Variants in TENM2 observed in about 807,000 individuals in gnomAD.
TENM2 encodes the protein teneurin transmembrane protein 2.
TENM2 carries 52 observed loss-of-function variants against 245.2 expected under a neutral mutation model. The observed-to-expected ratio is 0.21, with a 90% CI of 0.17 to 0.27. TENM2 has a LOEUF of 0.27. Among genes scored for constraint, TENM2 ranks in the 10% least tolerant of loss-of-function variants. TENM2 has a pLI of 1.00. For synonymous variants in TENM2, 1,363 were observed against 1,438.9 expected (o/e 0.95, Z 1.19); for missense variants, 3,046 against 3,666.8 (o/e 0.83, Z 4.37).
At chr5:167,695,644 A>T (rs1757708880) in intron 2 of TENM2, among the ~76,000 whole-genome samples, 1 of 152,054 alleles carries the variant, frequency 6.6e-6, no homozygotes. Flanking sequence ...TATTGTGTTG[A>T]ACTTTTTACA....
rs181843455 is a variant in TENM2 at position 168,222,532 on chromosome 5, T to C, written c.5108+3533T>C. ...GCCATGCAATTCATGAAGGCTGGAATGGGCCCCTTTAAAAGTTGCCTCTCT... is the reference window on the plus strand; with the variant it reads ...GCCATGCAATTCATGAAGGCTGGAACGGGCCCCTTTAAAAGTTGCCTCTCT... On this transcript the variant is annotated intron_variant, in intron 23 of 28. Coordinates refer to ENST00000518659, the Ensembl canonical transcript of TENM2. Among the ~76,000 whole-genome samples the C allele has an allele frequency of 2.1e-3, 324 of 152,350 alleles. 1 individual carries two copies. Among genetic ancestry groups the C allele is most frequent in the African/African-American group, 7.5e-3 (312 of 41,582 alleles).
In TENM2 at chr5:168,131,731, AC is replaced by A. The variant is rs1301806749; in HGVS notation, c.2422+4766del. Among the ~76,000 whole-genome samples, 8 of 152,060 alleles carry A rather than the reference AC, an allele frequency of 5.3e-5. No individual in the cohort carries two copies. In the South Asian group the frequency reaches 8.3e-4, roughly 16 times the overall value. On this transcript the variant is annotated intron_variant, in intron 12 of 28. Coordinates refer to ENST00000518659, the Ensembl canonical transcript of TENM2. The stretch of plus-strand genomic sequence containing the variant: ...TCCAGTCTCATTCTAAGTTATGAAA[AC>A]TTTTTTTTTCTTGTGGCTATTGTCC...
At chr5:167,791,461 T>C (rs1764961160) in intron 2 of TENM2, among the ~76,000 whole-genome samples, 3 of 137,638 alleles carry the variant, frequency 2.2e-5, no homozygotes, top group African/African-American at 7.9e-5. Flanking sequence ...TTATATAGAT[T>C]ATATATTTAT....
At chr5:167,444,378 A>C (rs1765046726) in intron 2 of TENM2, among the ~76,000 whole-genome samples, 1 of 152,134 alleles carries the variant, frequency 6.6e-6, no homozygotes, top group South Asian at 2.1e-4. Flanking sequence ...GTAACAAATG[A>C]ACAAGCTGTT....
At chr5:167,670,070 A>G (rs959680950) in intron 2 of TENM2, among the ~76,000 whole-genome samples, 2 of 152,156 alleles carry the variant, frequency 1.3e-5, no homozygotes, top group African/African-American at 2.4e-5. Flanking sequence ...TTTTTTAAGT[A>G]TCTCTTTCTA....
intron 1 of TENM2, among the ~76,000 whole-genome samples, chr5:167,359,799 C>T (rs904773105): frequency 1.4e-4 from 22 of 152,080 alleles, no homozygotes; most frequent in Non-Finnish European, 2.9e-4. Context: ...AGCCAGTTAT[C>T]CCAGCACCAT....
the TENM2 span, among the ~76,000 whole-genome samples, chr5:167,133,526 A>T: frequency 6.6e-6 from 1 of 150,866 alleles, no homozygotes; most frequent in Admixed American, 6.6e-5. Flanking sequence ...CAGATAGAAA[A>T]GGTGTGTTGC....
chr5:168,206,230 C>T (rs1762335831), intron 19 of TENM2, among the ~76,000 whole-genome samples: 1 of 152,224 alleles, frequency 6.6e-6, no homozygotes, highest in South Asian at 2.1e-4. Context: ...GGCCTGCCCC[C>T]AGCAACTGCT....
At chr5:167,966,478 T>A (rs1781395184) in intron 4 of TENM2, among the ~76,000 whole-genome samples, 1 of 152,208 alleles carries the variant, frequency 6.6e-6, no homozygotes, top group Admixed American at 6.5e-5. Flanking sequence ...CTAAGGAATC[T>A]AATTTTGGTG....
intron 13 of TENM2, among the ~76,000 whole-genome samples, chr5:168,183,538 G>C (rs1483545635): frequency 1.3e-5 from 2 of 152,174 alleles, no homozygotes; most frequent in Non-Finnish European, 2.9e-5. Context: ...AAATTCAGCA[G>C]GAGCCTTTGG....
chr5:167,765,416 G>T (rs553067823), intron 2 of TENM2, among the ~76,000 whole-genome samples: 12 of 152,128 alleles, frequency 7.9e-5, no homozygotes, highest in Non-Finnish European at 1.5e-4. Flanking sequence ...GTCAAAAAAG[G>T]CATCATGGGC....
Position 168,002,103 on chromosome 5 carries a change from T to G in TENM2, c.1186+8921T>G, listed in dbSNP as rs1033678760. On this transcript the variant is annotated intron_variant, in intron 5 of 28. Coordinates refer to ENST00000518659, the Ensembl canonical transcript of TENM2. The stretch of plus-strand genomic sequence containing the variant: ...ATATGTGTCATCTTTCAAAGGCTTT[T>G]TTTGTTTGTTTGTTTCTAAAAACCA... Among the ~76,000 whole-genome samples, 9 of 152,314 alleles carry G rather than the reference T, an allele frequency of 5.9e-5. No individual in the cohort carries two copies. The South Asian group carries it at 8.3e-4, about 14-fold the overall frequency.
At chr5:167,424,865 C>T (rs974072994) in intron 2 of TENM2, among the ~76,000 whole-genome samples, 1 of 152,128 alleles carries the variant, frequency 6.6e-6, no homozygotes. Flanking sequence ...ACCTCATTCG[C>T]TCAGCTCTGG....
chr5:167,705,335 A>G (rs10065273), intron 2 of TENM2, among the ~76,000 whole-genome samples: 21,925 of 152,194 alleles, frequency 0.14, 2,898 homozygotes, highest in African/African-American at 0.36. Flanking sequence ...AATAATTATC[A>G]AGATCTTGAC....
chr5:167,106,160 G>A, the TENM2 span, among the ~76,000 whole-genome samples: 1 of 152,008 alleles, frequency 6.6e-6, no homozygotes, highest in Non-Finnish European at 1.5e-5. Context: ...TCCTGTATTG[G>A]TTTATAGTTT....
chr5:167,457,661 A>G (rs957604650), intron 2 of TENM2, among the ~76,000 whole-genome samples: 14 of 152,028 alleles, frequency 9.2e-5, no homozygotes, highest in African/African-American at 3.4e-4. Flanking sequence ...TCTGCTTTTA[A>G]AGTCTCTTCT....
At chr5:167,674,387 G>A (rs1482213085) in intron 2 of TENM2, among the ~76,000 whole-genome samples, 1 of 152,046 alleles carries the variant, frequency 6.6e-6, no homozygotes, top group African/African-American at 2.4e-5. Context: ...CCCCCAAAAT[G>A]TTTATTCCTG....
intron 2 of TENM2, among the ~76,000 whole-genome samples, chr5:167,773,086 G>A (rs1231347162): frequency 1.3e-5 from 2 of 152,160 alleles, no homozygotes; most frequent in African/African-American, 4.8e-5. Flanking sequence ...GGAATATATT[G>A]AAATGATAGA....
In TENM2 at chr5:168,113,629, C is replaced by T. The variant is rs145878372; in HGVS notation, c.1814-4663C>T. 9.2e-3 allele frequency among the ~76,000 whole-genome samples: 787 copies of T among 85,658 alleles called. 11 individuals carry two copies. The highest frequency in any genetic ancestry group is 0.032 in the African/African-American group (746 of 23,240). 56.2% of individuals were successfully genotyped at this position (85,658 alleles called of 152,430 possible). ...GAGAACTTTGTGGGGGCTGGGAGGGCGGGGGAGCTTCAGCTGGATCATTAA... is the reference window on the plus strand; with the variant it reads ...GAGAACTTTGTGGGGGCTGGGAGGGTGGGGGAGCTTCAGCTGGATCATTAA... On this transcript the variant is annotated intron_variant, in intron 9 of 28. Coordinates refer to ENST00000518659, the Ensembl canonical transcript of TENM2.
Sources: allele counts gnomAD v4.1 joint callset (sites outside exome capture counted in the v4.1 genomes callset), GRCh38; gene constraint gnomAD v4.1.1; transcripts MANE v1.5; gene names NCBI Gene and HGNC (gene_info 2026-07-23, HGNC 2026-07-21).